The following UGT2B11 variants were observed in gnomAD, a reference collection of about 807,000 sequenced individuals.
UGT2B11 encodes the protein UDP-glucuronosyltransferase 2B11.
In UGT2B11, 49 loss-of-function variants were observed where a neutral mutation model predicts 51.7. The observed-to-expected ratio is 0.95, with a 90% CI of 0.75 to 1.20. The LOEUF (loss-of-function observed/expected upper bound fraction) is 1.20, where lower values mean the gene tolerates loss of function less well. Among genes scored for constraint, UGT2B11 ranks in the 50% most tolerant of loss-of-function variants. The probability of loss-of-function intolerance (pLI) is 0.00; values close to 1 mark genes in which losing one functional copy is unlikely to be tolerated. For missense variants in UGT2B11, 810 were observed against 622.1 expected (o/e 1.30, Z -3.21); for synonymous variants, 273 against 209.0 (o/e 1.31, Z -2.64).
chr4:69,203,364 G>C (rs1459005866), intron 5 of UGT2B11, among the ~76,000 whole-genome samples: 2 of 151,614 alleles, frequency 1.3e-5, no homozygotes, highest in East Asian at 1.9e-4. Context: ...AAGAGGTCTG[G>C]CAACAATGTG....
chr4:69,224,086 T>A, the UGT2B11 span, among the ~76,000 whole-genome samples: 1 of 152,170 alleles, frequency 6.6e-6, no homozygotes, highest in East Asian at 1.9e-4. Flanking sequence ...AACACATGCC[T>A]GATCCTCGGA....
At chr4:69,203,945 A>G (rs895201516) in intron 5 of UGT2B11, among the ~76,000 whole-genome samples, 7 of 151,696 alleles carry the variant, frequency 4.6e-5, no homozygotes, top group African/African-American at 1.7e-4. Context: ...CTGTAAACAT[A>G]GTAAAAATAT....
At chr4:69,200,742 C>G in intron 5 of UGT2B11, 23 bp from the exon 6 acceptor site, 1 of 1,586,694 alleles carries the variant, frequency 6.3e-7, no homozygotes, top group South Asian at 1.2e-5. Flanking sequence ...AATAAGGATA[C>G]CAACACTGAA....
chr4:69,200,545 C>T lies in UGT2B11; in HGVS notation c.1485G>A (p.Gly495=). The part of the protein sequence containing the change: ...WFQYHSLDVI[G]FLLACVATVI... ...CAGTTGCCACACAGGCCAGCAGAAACCCAATCACATCCAAAGAGTGGTACT... is the reference window on the plus strand; with the variant it reads ...CAGTTGCCACACAGGCCAGCAGAAATCCAATCACATCCAAAGAGTGGTACT... The change falls in exon 6 of 6, where the codon GGG becomes GGA. Residue 495 remains glycine, a synonymous_variant. Transcript: ENST00000446444. 6.2e-7 allele frequency: 1 copy of T among 1,612,320 alleles called. No homozygotes were observed. The highest frequency in any genetic ancestry group is 1.1e-5 in the South Asian group (1 of 91,020).
At chr4:69,219,052 C>T (rs576664462), upstream of UGT2B11, among the ~76,000 whole-genome samples, 6 of 152,240 alleles carry the variant, frequency 3.9e-5, no homozygotes, top group South Asian at 2.1e-4. Flanking sequence ...CCCCATTCAG[C>T]GTCCTCAGCC....
chr4:69,218,399 G>A (rs576190189), upstream of UGT2B11, among the ~76,000 whole-genome samples: 1,233 of 152,070 alleles, frequency 8.1e-3, 15 homozygotes, highest in African/African-American at 0.028. Context: ...TTCAGTAATG[G>A]CAAATTATGA....
upstream of UGT2B11, chr4:69,216,517 T>G (rs1354474793): frequency 5.9e-4 from 89 of 151,588 alleles, no homozygotes; most frequent in African/African-American, 2.0e-3. Context: ...TCATCAAGTA[T>G]CAACATTAAA....
intron 4 of UGT2B11, among the ~76,000 whole-genome samples, chr4:69,205,070 T>C (rs1721799360): frequency 1.3e-5 from 2 of 151,660 alleles, no homozygotes; most frequent in African/African-American, 4.8e-5. Flanking sequence ...AAATGTGTCG[T>C]TACTTTAAGA....
At chr4:69,207,165 A>C (rs756859439) in intron 3 of UGT2B11, among the ~76,000 whole-genome samples, 1 of 151,662 alleles carries the variant, frequency 6.6e-6, no homozygotes. Context: ...AAATTTGGTC[A>C]ACTGATTATT....
chr4:69,218,341 G>A (rs1306927308), upstream of UGT2B11, among the ~76,000 whole-genome samples: 1 of 152,040 alleles, frequency 6.6e-6, no homozygotes, highest in Non-Finnish European at 1.5e-5. Context: ...TATTGGTAGG[G>A]AGAACACAAA....
chr4:69,210,935 G>C (rs527856076), intron 2 of UGT2B11: 1 of 151,584 alleles, frequency 6.6e-6, no homozygotes, highest in Admixed American at 6.6e-5. Flanking sequence ...CCTTCAAAAA[G>C]AATATAATCT....
chr4:69,210,297 C>A (rs961296223), intron 2 of UGT2B11, among the ~76,000 whole-genome samples: 10 of 151,194 alleles, frequency 6.6e-5, no homozygotes, highest in Admixed American at 6.6e-4. Context: ...ATAGGTGCAC[C>A]TTGATTTTTT....
Position 69,208,351 on chromosome 4 carries a change from C to CT in UGT2B11, c.1001dup (p.Val335GlyfsTer6). The CT allele has an allele frequency of 6.2e-7, 1 of 1,610,688 alleles. No individual in the cohort carries two copies. Among genetic ancestry groups the CT allele is most frequent in the Non-Finnish European group, 8.5e-7 (1 of 1,177,860 alleles). On this transcript the variant is annotated frameshift_variant and splice_region_variant, in exon 3 of 6. Coordinates refer to ENST00000446444, the MANE Select transcript of UGT2B11 (RefSeq NM_001073.3). LOFTEE classifies it high-confidence loss of function. ...ACACCAGTAAGGCCCTTTATCTTAC[C>CT]TTTTGTGGGATCTTGGCAAGGGCTG...
Position 69,214,574 on chromosome 4 carries a change from C to A in UGT2B11, c.149G>T (p.Gly50Val), listed in dbSNP as rs534028325. The change falls in exon 1 of 6, where the codon GGT becomes GTT. Residue 50 changes from glycine (G) to valine (V), a missense_variant. Transcript: ENST00000446444. ...AGATGCCAGTACAGTCACCTCATGA[C>A]CTCTCTGAACAAGCTCTTTCAGGAT... ...KTILKELVQR[G>V]HEVTVLASSA... 29 of 1,613,278 alleles carry A rather than the reference C, an allele frequency of 1.8e-5. No individual in the cohort carries two copies. In the Admixed American group the frequency reaches 4.8e-4, roughly 27 times the overall value.
chr4:69,210,670 AAGAG>A (rs1469390554), intron 2 of UGT2B11, among the ~76,000 whole-genome samples: 19 of 151,670 alleles, frequency 1.3e-4, no homozygotes, highest in African/African-American at 3.9e-4. Context: ...GAAATCTTTC[AAGAG>A]TAATGTAGAG....
chr4:69,203,491 C>G (rs1355611400), intron 5 of UGT2B11, among the ~76,000 whole-genome samples: 1 of 151,664 alleles, frequency 6.6e-6, no homozygotes, highest in Admixed American at 6.6e-5. Flanking sequence ...AGCAATTCCA[C>G]TTATAGTATC....
chr4:69,208,670 G>A (rs1333886167), intron 2 of UGT2B11, among the ~76,000 whole-genome samples, 188 bp from the exon 3 acceptor site: 1 of 151,492 alleles, frequency 6.6e-6, no homozygotes, highest in Non-Finnish European at 1.5e-5. Flanking sequence ...CCTCTGTTAA[G>A]GATATTTGTG....
the UGT2B11 span, among the ~76,000 whole-genome samples, chr4:69,222,129 C>T: frequency 0.046 from 7,036 of 152,182 alleles, 201 homozygotes; most frequent in South Asian, 0.092. Flanking sequence ...TCCCTTTTGG[C>T]CTGTTCCTCT....
At position 69,208,399 on chromosome 4, in the gene UGT2B11, T is replaced by C. The variant is rs1721937825; in HGVS notation, c.954A>G (p.Ala318=). 6.2e-7 allele frequency: 1 copy of C among 1,611,068 alleles called. No homozygotes were observed. The highest frequency in any genetic ancestry group is 8.5e-7 in the Non-Finnish European group (1 of 1,178,222). The change falls in exon 3 of 6, where the codon GCA becomes GCG. Residue 318 remains alanine, a synonymous_variant. Coordinates refer to ENST00000446444, the MANE Select transcript of UGT2B11 (RefSeq NM_001073.3). ...SLGSVISNMT[A]ERANVIATAL... is the part of the protein sequence containing the mutation. ...CTGTTGCAATTACATTGGCCCTTTCTGCTGTCATGTTACTTATCACTGACC... is the reference window on the plus strand; with the variant it reads ...CTGTTGCAATTACATTGGCCCTTTCCGCTGTCATGTTACTTATCACTGACC...
Sources: allele counts gnomAD v4.1 joint callset (sites outside exome capture counted in the v4.1 genomes callset), GRCh38; gene constraint gnomAD v4.1.1; transcripts MANE v1.5; gene names NCBI Gene and HGNC (gene_info 2026-07-23, HGNC 2026-07-21).